Variants in UBE2E2 observed in about 807,000 individuals in gnomAD.
UBE2E2 encodes the protein ubiquitin conjugating enzyme E2 E2, also known as ubiquitin-conjugating enzyme E2 E2.
Under a neutral mutation model 24.7 loss-of-function variants are expected in UBE2E2, and 6 were observed. That is an observed-to-expected ratio of 0.24 (90% CI 0.13 to 0.48). The LOEUF is 0.48. Ranked by LOEUF, UBE2E2 falls within the 20% of genes least tolerant of loss-of-function variation. The pLI is 0.99. For synonymous variants in UBE2E2, 104 were observed against 83.6 expected, an observed-to-expected ratio of 1.24 and a Z score of -1.33; for missense variants, 169 against 245.0, an observed-to-expected ratio of 0.69 and a Z score of 2.07.
At chr3:23,269,222 A>G (rs954718511) in intron 3 of UBE2E2, among the ~76,000 whole-genome samples, 3 of 145,866 alleles carry the variant, frequency 2.1e-5, no homozygotes, top group African/African-American at 7.4e-5. Flanking sequence ...TAAACTAAAG[A>G]ACTTCTGCAC....
chr3:23,541,433 A>G (rs1428133252), intron 5 of UBE2E2, among the ~76,000 whole-genome samples: 1 of 152,186 alleles, frequency 6.6e-6, no homozygotes, highest in Non-Finnish European at 1.5e-5. Flanking sequence ...TCTTTAGTAG[A>G]TCCTGGAGCT....
chr3:23,477,028 C>G (rs1391765580), intron 3 of UBE2E2, among the ~76,000 whole-genome samples: 1 of 152,046 alleles, frequency 6.6e-6, no homozygotes, highest in Non-Finnish European at 1.5e-5. Flanking sequence ...TAATTATTAA[C>G]AAAATTATCA....
intron 3 of UBE2E2, among the ~76,000 whole-genome samples, chr3:23,270,484 T>G (rs770370600): frequency 3.3e-5 from 5 of 152,182 alleles, no homozygotes; most frequent in Non-Finnish European, 5.9e-5. Flanking sequence ...ACACTCGTTC[T>G]GGCTCACAGA....
chr3:23,292,486 G>C (rs1698795555), intron 3 of UBE2E2, among the ~76,000 whole-genome samples: 1 of 151,962 alleles, frequency 6.6e-6, no homozygotes, highest in African/African-American at 2.4e-5. Flanking sequence ...ACTACATAGG[G>C]CCCAAGGCTT....
chr3:23,440,038 G>T (rs903573743), intron 3 of UBE2E2, among the ~76,000 whole-genome samples: 2 of 151,836 alleles, frequency 1.3e-5, no homozygotes, highest in African/African-American at 2.4e-5. Flanking sequence ...TTGGGAGGCC[G>T]AGGTGGGTGG....
intron 3 of UBE2E2, among the ~76,000 whole-genome samples, chr3:23,285,216 T>A (rs1476968246): frequency 6.6e-6 from 1 of 152,222 alleles, no homozygotes; most frequent in African/African-American, 2.4e-5. Flanking sequence ...GATCCCATTC[T>A]TCTTTTATGG....
chr3:23,591,885 A>G (rs970689135), downstream of UBE2E2: 6 of 152,244 alleles, frequency 3.9e-5, no homozygotes, highest in East Asian at 1.2e-3. Context: ...ATTCAGCACT[A>G]AAGGCATTGA....
chr3:23,265,819 T>A (rs1433058584), intron 3 of UBE2E2, among the ~76,000 whole-genome samples: 1 of 152,210 alleles, frequency 6.6e-6, no homozygotes, highest in Non-Finnish European at 1.5e-5. Context: ...GCTTTATGAA[T>A]CTGGGTGCTC....
intron 4 of UBE2E2, among the ~76,000 whole-genome samples, chr3:23,511,960 A>G (rs886494816): frequency 3.3e-5 from 5 of 152,138 alleles, no homozygotes; most frequent in Non-Finnish European, 7.3e-5. Context: ...GACTTTTTTT[A>G]AGCTCCTCTT....
At chr3:23,350,422 ACAAT>A (rs917156478) in intron 3 of UBE2E2, among the ~76,000 whole-genome samples, 12 of 152,252 alleles carry the variant, frequency 7.9e-5, no homozygotes, top group Non-Finnish European at 1.2e-4. Flanking sequence ...AAGGCTTCAG[ACAAT>A]CAAACTACTC....
At chr3:23,526,991 T>A (rs1575686355) in intron 4 of UBE2E2, among the ~76,000 whole-genome samples, 1 of 152,320 alleles carries the variant, frequency 6.6e-6, no homozygotes, top group East Asian at 1.9e-4. Context: ...TTTATTAAAA[T>A]TTTTAATAAA....
chr3:23,573,218 A>G (rs372318655), intron 5 of UBE2E2, among the ~76,000 whole-genome samples: 1 of 152,222 alleles, frequency 6.6e-6, no homozygotes, highest in Non-Finnish European at 1.5e-5. Flanking sequence ...TGTGTATGAT[A>G]AAGTTAACAT....
At chr3:23,272,927 A>C (rs192538405) in intron 3 of UBE2E2, among the ~76,000 whole-genome samples, 17 of 152,258 alleles carry the variant, frequency 1.1e-4, no homozygotes, top group Admixed American at 7.2e-4. Context: ...ATTCCATTTC[A>C]AGCAGTCAGA....
intron 3 of UBE2E2, among the ~76,000 whole-genome samples, chr3:23,494,716 T>G (rs756225409): frequency 2.0e-4 from 30 of 152,212 alleles, no homozygotes; most frequent in Admixed American, 7.9e-4. Context: ...GGAAGTAGTA[T>G]TAGTTTTATA....
intron 3 of UBE2E2, among the ~76,000 whole-genome samples, chr3:23,317,437 G>A (rs913308429): frequency 6.6e-6 from 1 of 152,282 alleles, no homozygotes; most frequent in East Asian, 1.9e-4. Flanking sequence ...TTGTCTCTCC[G>A]CACCATGCAG....
At chr3:23,487,605 A>C (rs1306433750) in intron 3 of UBE2E2, among the ~76,000 whole-genome samples, 4 of 152,126 alleles carry the variant, frequency 2.6e-5, no homozygotes, top group Non-Finnish European at 5.9e-5. Context: ...TACATATATT[A>C]ATTCATTTGA....
At chr3:23,584,593 C>T (rs184242204) in intron 5 of UBE2E2, among the ~76,000 whole-genome samples, 24 of 151,358 alleles carry the variant, frequency 1.6e-4, no homozygotes, top group Admixed American at 1.3e-3. Flanking sequence ...CTCGCTCTTT[C>T]GCCCAGCTGG....
intron 3 of UBE2E2, among the ~76,000 whole-genome samples, chr3:23,252,776 C>T (rs542668477): frequency 2.6e-5 from 4 of 152,308 alleles, no homozygotes; most frequent in East Asian, 1.9e-4. Flanking sequence ...GTATTACAGG[C>T]GTGAGCCACC....
chr3:23,389,621 G>A, intron 3 of UBE2E2: 1 of 264,958 alleles, frequency 3.8e-6, no homozygotes. Context: ...CTACATCCTG[G>A]GGGGCTTTTG....
Sources: gnomAD v4.1 joint callset for allele counts (sites outside exome capture counted in the v4.1 genomes callset) on GRCh38, gnomAD v4.1.1 for gene constraint, MANE v1.5 for transcripts, NCBI Gene and HGNC (gene_info 2026-07-23, HGNC 2026-07-21) for gene names.